TAS2R1: variants seen among roughly 807,000 people sequenced by gnomAD.
TAS2R1 encodes taste 2 receptor member 1, also known as taste receptor type 2 member 1.
For missense variants in TAS2R1, 370 were observed against 353.4 expected, an observed-to-expected ratio of 1.05 and a Z score of -0.38; for synonymous variants, 141 against 134.2, an observed-to-expected ratio of 1.05 and a Z score of -0.35.
At chr5:9,861,037 G>GGTTTTTTTTTTTT in the TAS2R1 span, among the ~76,000 whole-genome samples, 1 of 88,612 alleles carries the variant, frequency 1.1e-5, no homozygotes, top group African/African-American at 4.3e-5. Flanking sequence ...GGAAGATGAG[G>GGTTTTTTTTTTTT]TTTTTTTTTT....
chr5:9,715,697 G>A (rs1734796712), upstream of TAS2R1, among the ~76,000 whole-genome samples: 1 of 152,180 alleles, frequency 6.6e-6, no homozygotes, highest in Non-Finnish European at 1.5e-5. Context: ...CCAAGCCAGG[G>A]AACAGAAGAG....
the TAS2R1 span, among the ~76,000 whole-genome samples, chr5:9,844,892 A>T: frequency 3.3e-5 from 5 of 152,218 alleles, no homozygotes; most frequent in South Asian, 2.1e-4. Flanking sequence ...AGGTCTGACC[A>T]TGATATTTAC....
At chr5:9,842,048 T>G in the TAS2R1 span, among the ~76,000 whole-genome samples, 1 of 152,168 alleles carries the variant, frequency 6.6e-6, no homozygotes, top group African/African-American at 2.4e-5. Flanking sequence ...CAGATTAACT[T>G]ATCTGTAAGT....
intron 2 of TAS2R1, among the ~76,000 whole-genome samples, chr5:9,648,904 G>A (rs181460581): frequency 2.6e-4 from 39 of 152,212 alleles, no homozygotes; most frequent in African/African-American, 8.9e-4. Flanking sequence ...CATCTGGAAA[G>A]CCCCTCTTCC....
At chr5:9,757,139 C>T in the TAS2R1 span, among the ~76,000 whole-genome samples, 2 of 152,116 alleles carry the variant, frequency 1.3e-5, no homozygotes, top group Non-Finnish European at 2.9e-5. Context: ...AATGAACCAA[C>T]ATTTAAGATT....
the TAS2R1 span, among the ~76,000 whole-genome samples, chr5:9,900,618 G>GTTTTTTTTT: frequency 2.7e-4 from 32 of 119,940 alleles, no homozygotes; most frequent in South Asian, 5.6e-4. Context: ...TGCTCAAATG[G>GTTTTTTTTT]TTTTTTTTTT....
At chr5:9,693,524 CAAAA>C (rs35262775) in intron 1 of TAS2R1, among the ~76,000 whole-genome samples, 12 of 33,026 alleles carry the variant, frequency 3.6e-4, no homozygotes, top group African/African-American at 6.2e-4. Flanking sequence ...AACTCCATCT[CAAAA>C]AAAAAAAAAA....
chr5:9,668,051 A>T (rs958972306), intron 1 of TAS2R1, among the ~76,000 whole-genome samples: 4 of 152,246 alleles, frequency 2.6e-5, no homozygotes, highest in African/African-American at 9.6e-5. Context: ...GATAAAAAAC[A>T]AAATGGCCAT....
intron 1 of TAS2R1, among the ~76,000 whole-genome samples, chr5:9,677,524 C>A (rs781101471): frequency 1.3e-5 from 2 of 151,748 alleles, no homozygotes; most frequent in Non-Finnish European, 2.9e-5. Context: ...TGAACCGATA[C>A]CTCACCAAAG....
chr5:9,675,785 T>A (rs1215776879), intron 1 of TAS2R1, among the ~76,000 whole-genome samples: 3 of 152,160 alleles, frequency 2.0e-5, no homozygotes, highest in African/African-American at 7.2e-5. Flanking sequence ...ACATATAAGA[T>A]CACGCCATCT....
chr5:9,842,560 C>A, the TAS2R1 span, among the ~76,000 whole-genome samples: 2 of 151,982 alleles, frequency 1.3e-5, no homozygotes, highest in Admixed American at 1.3e-4. Context: ...TGAGCTCAGG[C>A]AATCTGCCCG....
chr5:9,756,824 A>T, the TAS2R1 span, among the ~76,000 whole-genome samples: 1 of 152,210 alleles, frequency 6.6e-6, no homozygotes, highest in African/African-American at 2.4e-5. Flanking sequence ...CACCTGAGAA[A>T]CAACTGCATG....
chr5:9,706,835 G>A (rs962138803), intron 1 of TAS2R1, among the ~76,000 whole-genome samples: 2 of 152,194 alleles, frequency 1.3e-5, no homozygotes, highest in African/African-American at 2.4e-5. Flanking sequence ...TCTTAAGCAG[G>A]TGGTAGAATT....
the TAS2R1 span, among the ~76,000 whole-genome samples, chr5:9,802,423 A>C: frequency 6.6e-6 from 1 of 152,180 alleles, no homozygotes; most frequent in Non-Finnish European, 1.5e-5. Flanking sequence ...AAGAATCTGA[A>C]CAAGCAGCCC....
At chr5:9,845,368 T>C in the TAS2R1 span, among the ~76,000 whole-genome samples, 1 of 152,166 alleles carries the variant, frequency 6.6e-6, no homozygotes, top group African/African-American at 2.4e-5. Flanking sequence ...CTGCTTTATC[T>C]CCCCCGTAGA....
chr5:9,709,366 G>C (rs976770218), intron 1 of TAS2R1, among the ~76,000 whole-genome samples: 1 of 151,838 alleles, frequency 6.6e-6, no homozygotes, highest in Non-Finnish European at 1.5e-5. Flanking sequence ...TCATTCTACT[G>C]AACCAATATC....
chr5:9,648,308 T>C (rs1740236071), intron 2 of TAS2R1, among the ~76,000 whole-genome samples: 1 of 152,194 alleles, frequency 6.6e-6, no homozygotes, highest in Non-Finnish European at 1.5e-5. Context: ...TTTAAATAGT[T>C]TTTAAATAAA....
the TAS2R1 span, among the ~76,000 whole-genome samples, chr5:9,832,295 A>T: frequency 6.6e-6 from 1 of 152,230 alleles, no homozygotes; most frequent in Non-Finnish European, 1.5e-5. Context: ...AGTAAGGTGC[A>T]GAAATGAGGT....
At chr5:9,658,219 G>A (rs1365054562) in intron 2 of TAS2R1, among the ~76,000 whole-genome samples, 1 of 152,184 alleles carries the variant, frequency 6.6e-6, no homozygotes, top group Non-Finnish European at 1.5e-5. Context: ...GCATTGACCA[G>A]ATAATTCTCA....
Sources: gnomAD v4.1 joint callset for allele counts (sites outside exome capture counted in the v4.1 genomes callset) on GRCh38, gnomAD v4.1.1 for gene constraint, MANE v1.5 for transcripts, NCBI Gene and HGNC (gene_info 2026-07-23, HGNC 2026-07-21) for gene names.